The following SGCD variants were observed in gnomAD, a reference collection of about 807,000 sequenced individuals.
SGCD encodes the protein delta-sarcoglycan.
In SGCD, 18 loss-of-function variants were observed where a neutral mutation model predicts 36.6. The ratio of observed to expected loss-of-function variants is 0.49; its 90% CI spans 0.34 to 0.73. SGCD has a LOEUF of 0.73. Ranked by LOEUF, SGCD falls within the 30% of genes least tolerant of loss-of-function variation. The probability of loss-of-function intolerance (pLI) is 0.01; values close to 1 mark genes in which losing one functional copy is unlikely to be tolerated. For synonymous variants in SGCD, 133 were observed against 130.6 expected, an observed-to-expected ratio of 1.02 and a Z score of -0.12; for missense variants, 387 against 346.7, an observed-to-expected ratio of 1.12 and a Z score of -0.92.
At position 156,491,986 on chromosome 5, in the gene SGCD, C is replaced by T. The variant is rs144321164; in HGVS notation, c.193-16615C>T. On this transcript the variant is annotated intron_variant, in intron 3 of 8. Transcript: ENST00000337851. ...TTCTATAATTGGGTTTCCCTGTCAT[C>T]AGAAGTAGAGGTGACTGTCAGTCTG... Among the ~76,000 whole-genome samples the T allele has an allele frequency of 2.5e-3, 377 of 152,054 alleles. 1 individual carries two copies. The highest frequency in any genetic ancestry group is 8.2e-3 in the African/African-American group (339 of 41,420).
chr5:156,213,842 CATT>C (rs1221012491), intron 3 of SGCD, among the ~76,000 whole-genome samples: 1 of 151,966 alleles, frequency 6.6e-6, no homozygotes, highest in Non-Finnish European at 1.5e-5. Flanking sequence ...TGATACCTCA[CATT>C]AACAGAATGA....
chr5:155,956,643 C>G (rs1189596287), intron 1 of SGCD, among the ~76,000 whole-genome samples: 3 of 152,076 alleles, frequency 2.0e-5, no homozygotes, highest in African/African-American at 7.2e-5. Flanking sequence ...GGCCGTGCTC[C>G]CTTGGAAGGT....
chr5:155,732,513 G>T, the SGCD span, among the ~76,000 whole-genome samples: 1 of 152,168 alleles, frequency 6.6e-6, no homozygotes, highest in Admixed American at 6.5e-5. Context: ...AGTAGCTGAA[G>T]AAACTGGGAA....
intron 3 of SGCD, among the ~76,000 whole-genome samples, chr5:156,464,461 C>T (rs1754637507): frequency 6.6e-6 from 1 of 152,066 alleles, no homozygotes; most frequent in South Asian, 2.1e-4. Flanking sequence ...ACCTCGTGAT[C>T]CACCTGCTTT....
chr5:156,023,139 T>C (rs1581047207), intron 1 of SGCD, among the ~76,000 whole-genome samples: 1 of 152,232 alleles, frequency 6.6e-6, no homozygotes, highest in Admixed American at 6.5e-5. Flanking sequence ...GAAATATGAA[T>C]GATGACATCC....
chr5:156,229,289 T>TACATACATAC (rs1764949843), intron 3 of SGCD, among the ~76,000 whole-genome samples: 1 of 119,886 alleles, frequency 8.3e-6, no homozygotes, highest in Middle Eastern at 3.7e-3. Context: ...TATATATATA[T>TACATACATAC]ATATATATAT....
chr5:156,647,635 G>A (rs1021328124), intron 7 of SGCD, 99 bp downstream of exon 7: 74 of 719,494 alleles, frequency 1.0e-4, no homozygotes, highest in African/African-American at 7.6e-4. Flanking sequence ...GTGTCACAGC[G>A]TGAATACATA....
At chr5:156,228,370 A>C (rs566537804) in intron 3 of SGCD, among the ~76,000 whole-genome samples, 1 of 152,254 alleles carries the variant, frequency 6.6e-6, no homozygotes, top group African/African-American at 2.4e-5. Context: ...CCTGTTGGGC[A>C]ATGCCTTTTA....
chr5:156,008,661 C>A (rs756143525), intron 1 of SGCD, among the ~76,000 whole-genome samples: 9 of 152,188 alleles, frequency 5.9e-5, no homozygotes, highest in Non-Finnish European at 1.0e-4. Flanking sequence ...CAGGCATGAA[C>A]CATGGTGCCC....
intron 3 of SGCD, among the ~76,000 whole-genome samples, chr5:156,361,173 C>A (rs6860183): frequency 6.6e-6 from 1 of 152,106 alleles, no homozygotes; most frequent in Admixed American, 6.5e-5. Flanking sequence ...CTTGTTCATG[C>A]GCTCCCTCCT....
At chr5:155,972,425 A>G (rs933934783) in intron 1 of SGCD, among the ~76,000 whole-genome samples, 1 of 152,132 alleles carries the variant, frequency 6.6e-6, no homozygotes, top group Non-Finnish European at 1.5e-5. Context: ...CCATACTGGT[A>G]TATCTACATC....
chr5:156,346,778 C>CT (rs138672769), intron 3 of SGCD, among the ~76,000 whole-genome samples: 60,384 of 150,506 alleles, frequency 0.4, 12,815 homozygotes, highest in East Asian at 0.78. Context: ...TTGGGCTTTA[C>CT]TTTATTTTTT....
intron 7 of SGCD, among the ~76,000 whole-genome samples, chr5:156,733,228 G>T (rs1387499790): frequency 6.6e-6 from 1 of 151,982 alleles, no homozygotes; most frequent in Non-Finnish European, 1.5e-5. Context: ...TTCCTTAGCT[G>T]TGTCCCCGAG....
At chr5:156,552,068 T>C (rs1335112961) in intron 4 of SGCD, among the ~76,000 whole-genome samples, 1 of 152,208 alleles carries the variant, frequency 6.6e-6, no homozygotes, top group Admixed American at 6.5e-5. Flanking sequence ...CCTTTGTCCA[T>C]AGCATGGACA....
rs1012139257 is a variant in SGCD at position 156,760,312 on chromosome 5, A to G, written c.*922A>G. On this transcript the variant is annotated 3_prime_UTR_variant, in exon 9 of 9. Transcript: ENST00000337851. The stretch of plus-strand genomic sequence containing the variant: ...ATTTCAACCCACAATGATCAGGTCA[A>G]TCAAAATCCCTAAGAGCAGAACTCC... 5.3e-5 allele frequency: 8 copies of G among 152,362 alleles called. No homozygotes were observed. The highest frequency in any genetic ancestry group is 1.9e-4 in the African/African-American group (8 of 41,582). The allele number at this position is 152,362 out of a possible 1,614,324, so 9.4% of individuals were successfully genotyped here.
At position 156,697,123 on chromosome 5, in the gene SGCD, G is replaced by A. The variant is rs144349167; in HGVS notation, c.575+49587G>A. Among the ~76,000 whole-genome samples, 184 of 152,104 alleles carry A rather than the reference G, an allele frequency of 1.2e-3. 1 individual carries two copies. The highest frequency in any genetic ancestry group is 3.9e-3 in the African/African-American group (163 of 41,482). Reference sequence around the variant, plus strand: ...CCTTAGGGGGTAGCAGCTAAAGATTGTGGGGTTTCCTTTAGGGGTGATGAA... The same window carrying A: ...CCTTAGGGGGTAGCAGCTAAAGATTATGGGGTTTCCTTTAGGGGTGATGAA... On this transcript the variant is annotated intron_variant, in intron 7 of 8. Coordinates refer to ENST00000337851, the MANE Select transcript of SGCD (RefSeq NM_000337.6).
intron 3 of SGCD, among the ~76,000 whole-genome samples, chr5:156,366,652 A>AGAG (rs1421072427): frequency 6.6e-6 from 1 of 152,222 alleles, no homozygotes; most frequent in African/African-American, 2.4e-5. Context: ...TTCTTGAGGA[A>AGAG]GAGGCTAGAA....
At chr5:156,689,014 TAC>T (rs1434447640) in intron 7 of SGCD, among the ~76,000 whole-genome samples, 1 of 152,194 alleles carries the variant, frequency 6.6e-6, no homozygotes, top group Non-Finnish European at 1.5e-5. Flanking sequence ...AACAAGTTAC[TAC>T]ACACAGTGTA....
intron 3 of SGCD, among the ~76,000 whole-genome samples, chr5:156,443,648 C>T (rs769157718): frequency 5.3e-5 from 8 of 152,080 alleles, no homozygotes; most frequent in Non-Finnish European, 1.2e-4. Context: ...TTAGGAGCAA[C>T]GGGAGCACTA....
Sources: allele counts gnomAD v4.1 joint callset (sites outside exome capture counted in the v4.1 genomes callset), GRCh38; gene constraint gnomAD v4.1.1; transcripts MANE v1.5; gene names NCBI Gene and HGNC (gene_info 2026-07-23, HGNC 2026-07-21).